The following KIAA1549 variants were observed in gnomAD, a reference collection of about 807,000 sequenced individuals.
KIAA1549 encodes the protein UPF0606 protein KIAA1549.
Under a neutral mutation model 156.4 loss-of-function variants are expected in KIAA1549, and 70 were observed. The ratio of observed to expected loss-of-function variants is 0.45; its 90% CI spans 0.37 to 0.55. KIAA1549 has a LOEUF of 0.55. Ranked by LOEUF, KIAA1549 falls within the 20% of genes least tolerant of loss-of-function variation. The pLI is 0.00. For missense variants in KIAA1549, 2,428 were observed against 2,540.9 expected (o/e 0.96, Z 0.96); for synonymous variants, 1,103 against 1,066.4 (o/e 1.03, Z -0.67).
chr7:138,842,268 G>A (rs1344717205), intron 18 of KIAA1549, among the ~76,000 whole-genome samples: 3 of 152,160 alleles, frequency 2.0e-5, no homozygotes, highest in Non-Finnish European at 4.4e-5. Context: ...TCCCCCATGA[G>A]TCAGCATTGA....
rs1276980940 is a variant in KIAA1549 at position 138,833,940 on chromosome 7, TC to T, written c.*3965del. ...CTCAATAGTGCAGTCGGGGATTCTGTCCCCATATCAAAGCAGATCAAGATCA... is the reference window on the plus strand; with the variant it reads ...CTCAATAGTGCAGTCGGGGATTCTGTCCCATATCAAAGCAGATCAAGATCA... On this transcript the variant is annotated 3_prime_UTR_variant, in exon 20 of 20. Transcript: ENST00000422774. The T allele has an allele frequency of 1.3e-5, 3 of 231,770 alleles. No homozygotes were observed. The highest frequency in any genetic ancestry group is 1.7e-5 in the Non-Finnish European group (2 of 117,206). The allele number at this position is 231,770 out of a possible 1,614,324, so 14.4% of individuals were successfully genotyped here.
chr7:138,904,813 T>C (rs1383875139), intron 7 of KIAA1549, among the ~76,000 whole-genome samples: 2 of 152,174 alleles, frequency 1.3e-5, no homozygotes, highest in Non-Finnish European at 2.9e-5. Context: ...TGTATGAATT[T>C]TAAAGAAAGT....
chr7:138,881,664 A>G, intron 10 of KIAA1549, 80 bp from the exon 11 acceptor site: 2 of 1,259,822 alleles, frequency 1.6e-6, no homozygotes, highest in East Asian at 4.9e-5. Flanking sequence ...CTGACCCAAG[A>G]CTGTGCTGGC....
chr7:138,944,249 G>A (rs1813278787), intron 1 of KIAA1549, among the ~76,000 whole-genome samples: 1 of 152,012 alleles, frequency 6.6e-6, no homozygotes, highest in South Asian at 2.1e-4. Flanking sequence ...CACTACCCCA[G>A]CATCTGAATA....
chr7:138,854,058 C>G (rs1810307533), intron 16 of KIAA1549, among the ~76,000 whole-genome samples: 2 of 152,130 alleles, frequency 1.3e-5, no homozygotes, highest in African/African-American at 4.8e-5. Flanking sequence ...ACTACATGCC[C>G]TGATGAAAAG....
rs1196848856 is a variant in KIAA1549 at position 138,917,742 on chromosome 7, T to G, written c.1884A>C (p.Ser628=). Residue 628 remains serine (S), a synonymous_variant, in exon 2 of 20, where the codon TCA becomes TCC. Coordinates refer to ENST00000422774, the MANE Select transcript of KIAA1549 (RefSeq NM_001164665.2). The part of the protein sequence containing the change: ...GALDFASSFF[S]TPPLELSGSI... Reference sequence around the variant, plus strand: ...AGCCGCTGAGTTCCAGCGGGGGTGTTGAGAAAAAGCTGGATGCAAAATCCA... The same window carrying G: ...AGCCGCTGAGTTCCAGCGGGGGTGTGGAGAAAAAGCTGGATGCAAAATCCA... The G allele has an allele frequency of 6.3e-7, 1 of 1,586,320 alleles. No homozygotes were observed. Among genetic ancestry groups the G allele is most frequent in the South Asian group, 1.1e-5 (1 of 87,266 alleles).
chr7:138,864,503 G>A (rs1810678156), intron 15 of KIAA1549, among the ~76,000 whole-genome samples: 1 of 152,202 alleles, frequency 6.6e-6, no homozygotes, highest in African/African-American at 2.4e-5. Context: ...AGGCCAAGAA[G>A]AGGATTTACT....
chr7:138,917,726 G>A lies in KIAA1549; in HGVS notation c.1900C>T (p.Leu634Phe), dbSNP rs1331957647. Residue 634 changes from leucine to phenylalanine, a missense_variant, in exon 2 of 20, where the codon CTC (leucine) becomes TTC (phenylalanine). Leu to Phe is a conservative substitution (Grantham distance 22, BLOSUM62 0). Coordinates refer to ENST00000422774, the MANE Select transcript of KIAA1549 (RefSeq NM_001164665.2). The stretch of plus-strand genomic sequence containing the variant: ...GAAGGCGAAGAGATGGAGCCGCTGA[G>A]TTCCAGCGGGGGTGTTGAGAAAAAG... Reference protein sequence around the residue: ...SSFFSTPPLELSGSISSPSEA... With the variant: ...SSFFSTPPLEFSGSISSPSEA... The A allele has an allele frequency of 1.9e-6, 3 of 1,593,488 alleles. No homozygotes were observed. The highest frequency in any genetic ancestry group is 2.6e-6 in the Non-Finnish European group (3 of 1,169,672).
Position 138,911,278 on chromosome 7 carries a change from G to C in KIAA1549, c.3013C>G (p.Pro1005Ala). The C allele has an allele frequency of 6.2e-7, 1 of 1,603,198 alleles. No individual in the cohort carries two copies. Among genetic ancestry groups the C allele is most frequent in the Non-Finnish European group, 8.5e-7 (1 of 1,174,394 alleles). ...TDFTFLVTSG[P>A]FVYTAISVIN... The stretch of plus-strand genomic sequence containing the variant: ...ACGGATATTGCCGTGTAAACGAAAG[G>C]ACCGGATGTTACCAGAAAAGTGAAG... Residue 1005 changes from proline (P) to alanine (A), a missense_variant, in exon 4 of 20, where the codon CCT becomes GCT. Coordinates refer to ENST00000422774, the MANE Select transcript of KIAA1549 (RefSeq NM_001164665.2).
chr7:138,858,161 C>G (rs1934460897), intron 16 of KIAA1549, among the ~76,000 whole-genome samples: 1 of 151,842 alleles, frequency 6.6e-6, no homozygotes, highest in South Asian at 2.1e-4. Context: ...CACTCTTTTG[C>G]CCAGGCTGGA....
At chr7:138,946,808 C>T (rs1460153389) in intron 1 of KIAA1549, among the ~76,000 whole-genome samples, 1 of 152,166 alleles carries the variant, frequency 6.6e-6, no homozygotes, top group African/African-American at 2.4e-5. Context: ...GACTCCACCC[C>T]GTCTGTAATG....
In KIAA1549 at chr7:138,864,021, G is replaced by T. The variant is rs976636149; in HGVS notation, c.4930-2565C>A. Among the ~76,000 whole-genome samples, 3 of 152,226 alleles carry T rather than the reference G, an allele frequency of 2.0e-5. No individual in the cohort carries two copies. The East Asian group carries it at 5.8e-4, about 29-fold the overall frequency. On this transcript the variant is annotated intron_variant, in intron 15 of 19. Coordinates refer to ENST00000422774, the MANE Select transcript of KIAA1549 (RefSeq NM_001164665.2). ...GAGGAGCAGATGAGGAAGCCTGGTC[G>T]GCAGTGTACCACCAACCTAGAGCTC...
At chr7:138,913,096 G>C (rs918606859) in intron 2 of KIAA1549, among the ~76,000 whole-genome samples, 12 of 152,062 alleles carry the variant, frequency 7.9e-5, no homozygotes, top group African/African-American at 2.9e-4. Flanking sequence ...GGATGGTCTT[G>C]ATCTCCTAAC....
chr7:138,905,603 T>A (rs1342685011), intron 6 of KIAA1549, among the ~76,000 whole-genome samples: 1 of 152,240 alleles, frequency 6.6e-6, no homozygotes, highest in Non-Finnish European at 1.5e-5. Flanking sequence ...TTTAGTTTAA[T>A]TAACAATACA....
intron 9 of KIAA1549, among the ~76,000 whole-genome samples, chr7:138,896,099 T>C (rs1811676914): frequency 6.6e-6 from 1 of 152,198 alleles, no homozygotes; most frequent in Admixed American, 6.5e-5. Context: ...AAATGCTTCC[T>C]GTTATATAAA....
At chr7:138,912,063 A>C (rs1812185200) in intron 3 of KIAA1549, among the ~76,000 whole-genome samples, 1 of 152,222 alleles carries the variant, frequency 6.6e-6, no homozygotes, top group Admixed American at 6.5e-5. Context: ...ATGTGAATCA[A>C]GGGAAGTAAA....
At chr7:138,903,867 G>C in intron 7 of KIAA1549, 131 bp from the exon 8 acceptor site, 1 of 678,896 alleles carries the variant, frequency 1.5e-6, no homozygotes. Flanking sequence ...GCGCGCGCGC[G>C]CGCACATATG....
chr7:138,856,954 A>G (rs937674488), intron 16 of KIAA1549, among the ~76,000 whole-genome samples: 1 of 152,136 alleles, frequency 6.6e-6, no homozygotes, highest in Non-Finnish European at 1.5e-5. Flanking sequence ...GAAGAAAAAG[A>G]CAGAGGAAGG....
Position 138,932,240 on chromosome 7 carries a change from C to T in KIAA1549, c.188-12802G>A, listed in dbSNP as rs184326102. Among the ~76,000 whole-genome samples the T allele has an allele frequency of 2.9e-4, 44 of 152,190 alleles. No homozygotes were observed. The East Asian group carries it at 7.9e-3, about 27-fold the overall frequency. On this transcript the variant is annotated intron_variant, in intron 1 of 19. Coordinates refer to ENST00000422774, the MANE Select transcript of KIAA1549 (RefSeq NM_001164665.2). ...GTGTAAGTTCTTTATTTTGTCTTAA[C>T]TGGAAAACAAGCGTTTGCAGAGTGG...
Sources: gnomAD v4.1 joint callset for allele counts (sites outside exome capture counted in the v4.1 genomes callset) on GRCh38, gnomAD v4.1.1 for gene constraint, MANE v1.5 for transcripts, NCBI Gene and HGNC (gene_info 2026-07-23, HGNC 2026-07-21) for gene names.